Variants in SH3D19 observed in about 807,000 individuals in gnomAD.
The protein encoded by SH3D19 is SH3 domain containing 19.
Under a neutral mutation model 112.1 loss-of-function variants are expected in SH3D19, and 58 were observed. The observed-to-expected ratio is 0.52, with a 90% confidence interval of 0.42 to 0.64. The LOEUF (loss-of-function observed/expected upper bound fraction) is 0.64, where lower values mean the gene tolerates loss of function less well. Among genes scored for constraint, SH3D19 ranks in the 30% least tolerant of loss-of-function variants. The probability of loss-of-function intolerance (pLI) is 0.00; values close to 1 mark genes in which losing one functional copy is unlikely to be tolerated. For synonymous variants in SH3D19, 391 were observed against 448.5 expected (o/e 0.87, Z 1.62); for missense variants, 1,090 against 1,263.4 (o/e 0.86, Z 2.08).
At position 151,121,845 on chromosome 4, in the gene SH3D19, T is replaced by C; in HGVS notation, c.*246A>G. 1 of 320,840 alleles carries C rather than the reference T, an allele frequency of 3.1e-6. No homozygotes were observed. The highest frequency in any genetic ancestry group is 5.6e-6 in the Non-Finnish European group (1 of 177,324). 19.9% of individuals were successfully genotyped at this position (320,840 alleles called of 1,614,324 possible). On this transcript the variant is annotated 3_prime_UTR_variant, in exon 20 of 20. Coordinates refer to ENST00000604030, the MANE Select transcript of SH3D19 (RefSeq NM_001378122.1). ...GCCACCAGATGCTTTCCCTTCACCT[T>C]GCTAATCCCACTAGATGTTTTCCTC... is the stretch of plus-strand genomic sequence containing the variant.
intron 1 of SH3D19, among the ~76,000 whole-genome samples, chr4:151,306,491 CT>C (rs1033501838): frequency 6.6e-6 from 1 of 151,926 alleles, no homozygotes; most frequent in African/African-American, 2.4e-5. Context: ...AAAGTTGGTA[CT>C]TTTTAAAAAA....
At chr4:151,298,073 G>T (rs1433407657) in intron 1 of SH3D19, among the ~76,000 whole-genome samples, 1 of 152,092 alleles carries the variant, frequency 6.6e-6, no homozygotes, top group African/African-American at 2.4e-5. Flanking sequence ...GGCAAAAACA[G>T]GATTCTCCCC....
chr4:151,206,872 C>T (rs2897657), intron 2 of SH3D19, among the ~76,000 whole-genome samples: 125,133 of 152,074 alleles, frequency 0.82, 53,332 homozygotes, highest in Non-Finnish European at 0.95. Flanking sequence ...ACATCACCTC[C>T]GCTTCAGTTT....
chr4:151,257,269 G>A (rs1772003355), intron 1 of SH3D19, among the ~76,000 whole-genome samples: 1 of 152,004 alleles, frequency 6.6e-6, no homozygotes, highest in Admixed American at 6.5e-5. Context: ...TGTATTTTTA[G>A]TAGAGACGGG....
At chr4:151,189,103 T>C (rs1580051908) in intron 2 of SH3D19, among the ~76,000 whole-genome samples, 1 of 152,016 alleles carries the variant, frequency 6.6e-6, no homozygotes. Context: ...GTTTCTGTTT[T>C]TGTTTTTGTT....
intron 3 of SH3D19, among the ~76,000 whole-genome samples, chr4:151,187,029 C>T (rs1027355253): frequency 1.3e-5 from 2 of 151,076 alleles, no homozygotes; most frequent in Non-Finnish European, 3.0e-5. Flanking sequence ...CTCCTGACCT[C>T]GTGATCCGCC....
intron 1 of SH3D19, among the ~76,000 whole-genome samples, chr4:151,264,494 T>C (rs1772624403): frequency 6.6e-6 from 1 of 151,644 alleles, no homozygotes; most frequent in Non-Finnish European, 1.5e-5. Context: ...TAGTATTCTA[T>C]TCTTTAGTAG....
At chr4:151,298,054 G>A (rs2126312329) in intron 1 of SH3D19, among the ~76,000 whole-genome samples, 1 of 152,246 alleles carries the variant, frequency 6.6e-6, no homozygotes, top group African/African-American at 2.4e-5. Flanking sequence ...GCCACTAGGA[G>A]CTAGAAAAGG....
At chr4:151,132,431 G>C (rs774226644) in intron 16 of SH3D19, 48 bp from the exon 17 acceptor site, 1 of 1,535,928 alleles carries the variant, frequency 6.5e-7, no homozygotes. Flanking sequence ...CATTAGATGT[G>C]AAGGCCACAT....
chr4:151,125,453 G>C (rs1318627758), intron 19 of SH3D19, among the ~76,000 whole-genome samples: 1 of 136,214 alleles, frequency 7.3e-6, no homozygotes, highest in Non-Finnish European at 1.5e-5. Flanking sequence ...GCAACAGAGT[G>C]AGACCCTGTC....
intron 4 of SH3D19, among the ~76,000 whole-genome samples, chr4:151,178,649 G>A (rs1489050219): frequency 2.0e-5 from 3 of 152,168 alleles, no homozygotes; most frequent in African/African-American, 7.2e-5. Flanking sequence ...AAGGTCACAT[G>A]GTAGGAAAGT....
intron 6 of SH3D19, 112 bp from the exon 7 acceptor site, chr4:151,175,786 A>C (rs748830426): frequency 6.2e-5 from 65 of 1,054,832 alleles, no homozygotes; most frequent in Non-Finnish European, 7.4e-5. Flanking sequence ...ATGGAATATC[A>C]AGAGATTTTG....
At chr4:151,289,418 ACCATCAAC>A (rs1334975471) in intron 1 of SH3D19, among the ~76,000 whole-genome samples, 2 of 152,232 alleles carry the variant, frequency 1.3e-5, no homozygotes. Context: ...TTCAATGGAC[ACCATCAAC>A]AAAGTAAAAA....
chr4:151,312,457 C>T (rs1452050494), intron 1 of SH3D19, among the ~76,000 whole-genome samples: 1 of 152,168 alleles, frequency 6.6e-6, no homozygotes, highest in Non-Finnish European at 1.5e-5. Flanking sequence ...GGGTCATGAG[C>T]ACATGTTTTC....
intron 2 of SH3D19, among the ~76,000 whole-genome samples, chr4:151,212,562 T>C (rs1408987215): frequency 6.6e-6 from 1 of 152,228 alleles, no homozygotes; most frequent in Non-Finnish European, 1.5e-5. Context: ...GTTTACTAAA[T>C]ATTTTAAGCC....
At chr4:151,324,558 T>G (rs1046773649) in intron 1 of SH3D19, among the ~76,000 whole-genome samples, 1 of 151,976 alleles carries the variant, frequency 6.6e-6, no homozygotes, top group Non-Finnish European at 1.5e-5. Flanking sequence ...TCTACACTTA[T>G]TCACTCTTTC....
chr4:151,177,613 T>C (rs1760149446), intron 4 of SH3D19, among the ~76,000 whole-genome samples: 2 of 152,232 alleles, frequency 1.3e-5, no homozygotes, highest in African/African-American at 4.8e-5. Flanking sequence ...CCTCCCAAAG[T>C]GCTGGGATTA....
intron 1 of SH3D19, among the ~76,000 whole-genome samples, chr4:151,242,768 C>G (rs958620146): frequency 7.9e-5 from 12 of 152,078 alleles, no homozygotes; most frequent in African/African-American, 2.7e-4. Flanking sequence ...CATAAAGCAT[C>G]TGGTTATGAG....
chr4:151,303,627 C>CT lies in SH3D19; in HGVS notation c.112+21613dup, dbSNP rs1372884997. On this transcript the variant is annotated intron_variant, in intron 1 of 19. Transcript: ENST00000604030. ...AGCCATACATTATGTTTTAACATGA[C>CT]TGATTTGTTCAGAACGGTGCAGTAA... 2.6e-5 allele frequency among the ~76,000 whole-genome samples: 4 copies of CT among 152,302 alleles called. No individual in the cohort carries two copies. The East Asian group carries it at 7.7e-4, about 29-fold the overall frequency.
Sources: gnomAD v4.1 joint callset for allele counts (sites outside exome capture counted in the v4.1 genomes callset) on GRCh38, gnomAD v4.1.1 for gene constraint, MANE v1.5 for transcripts, NCBI Gene and HGNC (gene_info 2026-07-23, HGNC 2026-07-21) for gene names.